The following VCL variants were observed in gnomAD, a reference collection of about 807,000 sequenced individuals.
VCL encodes the protein epididymis luminal protein 114.
A neutral mutation model predicts 125.7 loss-of-function variants in VCL; 47 were observed. That is an observed-to-expected ratio of 0.37 (90% CI 0.30 to 0.48). VCL has a LOEUF of 0.48. VCL is among the 20% of genes least tolerant of loss of function. VCL has a pLI of 0.99. For missense variants in VCL, 1,069 were observed against 1,455.5 expected, an observed-to-expected ratio of 0.73 and a Z score of 4.32; for synonymous variants, 458 against 514.6, an observed-to-expected ratio of 0.89 and a Z score of 1.49.
chr10:74,085,434 T>C (rs997960773), intron 8 of VCL, among the ~76,000 whole-genome samples: 1 of 152,212 alleles, frequency 6.6e-6, no homozygotes, highest in Non-Finnish European at 1.5e-5. Context: ...ATCCTCTAAG[T>C]TGGTAATTTC....
chr10:74,064,008 A>G (rs1321630109), intron 2 of VCL: 1 of 152,066 alleles, frequency 6.6e-6, no homozygotes, highest in African/African-American at 2.4e-5. Flanking sequence ...TAGTCCCATA[A>G]AACTATCCTC....
intron 15 of VCL, 112 bp downstream of exon 15, chr10:74,104,040 G>A: frequency 1.9e-6 from 2 of 1,049,168 alleles, no homozygotes; most frequent in Non-Finnish European, 2.9e-6. Context: ...GGCCGGTCAC[G>A]TGCTGAGCAG....
chr10:74,009,806 C>T (rs1840397145), intron 1 of VCL, among the ~76,000 whole-genome samples: 1 of 151,696 alleles, frequency 6.6e-6, no homozygotes, highest in Non-Finnish European at 1.5e-5. Context: ...GACGGGGTTT[C>T]ACCTATTGGC....
Position 74,070,795 on chromosome 10 carries a change from T to A in VCL, c.365T>A (p.Leu122Gln). ...SRGILSGTSD[L>Q]LLTFDEAEVR... ...GGCATCCTCTCTGGAACATCAGACC[T>A]GCTCCTTACCTTCGATGAGGCTGAG... Residue 122 changes from leucine to glutamine, a missense_variant, in exon 3 of 22, where the codon CTG becomes CAG. This residue lies in a region of VCL where 8 missense variants were observed against 29.1 expected (regional missense o/e 0.28). Coordinates refer to ENST00000211998, the MANE Select transcript of VCL (RefSeq NM_014000.3). 1 of 1,614,124 alleles carries A rather than the reference T, an allele frequency of 6.2e-7. No individual in the cohort carries two copies. Among genetic ancestry groups the A allele is most frequent in the African/African-American group, 1.3e-5 (1 of 75,052 alleles).
At chr10:74,104,957 A>G (rs1384583697) in intron 15 of VCL, 94 bp from the exon 16 acceptor site, 1 of 1,378,240 alleles carries the variant, frequency 7.3e-7, no homozygotes, top group East Asian at 2.4e-5. Flanking sequence ...TCTGGATGTT[A>G]TACTTTCTCA....
At chr10:73,999,625 T>G (rs1374504287) in intron 1 of VCL, among the ~76,000 whole-genome samples, 3 of 152,166 alleles carry the variant, frequency 2.0e-5, no homozygotes, top group African/African-American at 7.2e-5. Context: ...ACTTTTCTGA[T>G]TTGAGCACTT....
intron 1 of VCL, among the ~76,000 whole-genome samples, chr10:74,040,392 G>A (rs1841072178): frequency 6.6e-6 from 1 of 152,120 alleles, no homozygotes. Context: ...AACTCACCTA[G>A]TTCTCCCTCC....
At chr10:74,055,180 G>A (rs918904101) in intron 2 of VCL, among the ~76,000 whole-genome samples, 5 of 151,952 alleles carry the variant, frequency 3.3e-5, no homozygotes, top group Admixed American at 6.6e-5. Context: ...AGTGCCTGTA[G>A]TCCCAGCTAC....
chr10:74,113,407 C>T (rs34885185), intron 19 of VCL, among the ~76,000 whole-genome samples: 90,531 of 151,850 alleles, frequency 0.6, 27,505 homozygotes, highest in Middle Eastern at 0.64. Flanking sequence ...TCTCTTGCAT[C>T]CTCTTAGCTG....
chr10:74,027,840 TG>T (rs1200011268), intron 1 of VCL: 1 of 152,126 alleles, frequency 6.6e-6, no homozygotes, highest in Non-Finnish European at 1.5e-5. Context: ...TTACTTCAGT[TG>T]GCATTTAATT....
intron 1 of VCL, among the ~76,000 whole-genome samples, chr10:73,999,842 A>G (rs1475702359): frequency 1.3e-5 from 2 of 152,342 alleles, no homozygotes; most frequent in East Asian, 3.9e-4. Flanking sequence ...CTACTTGTAC[A>G]TTGTTCTTCT....
rs180731799 is a variant in VCL, at chr10:74,007,831, T to C, written c.168+9456T>C. 3.2e-3 allele frequency among the ~76,000 whole-genome samples: 486 copies of C among 151,340 alleles called. 3 individuals are homozygous for C. The highest frequency in any genetic ancestry group is 5.5e-3 in the Non-Finnish European group (374 of 67,844). On this transcript the variant is annotated intron_variant, in intron 1 of 21. Transcript: ENST00000211998. ...TTTCCTTTTTTTTTGAGATGGAGTT[T>C]CATTCTTGTTGCCCAGGCTGGAGCG...
At chr10:74,021,303 C>A (rs553194451) in intron 1 of VCL, among the ~76,000 whole-genome samples, 5 of 152,058 alleles carry the variant, frequency 3.3e-5, no homozygotes, top group Admixed American at 6.6e-5. Context: ...CTCTGACCCC[C>A]CTACCCAGCT....
rs75773784 is a variant in VCL at position 74,020,200 on chromosome 10, G to A, written c.168+21825G>A. 1.9e-4 allele frequency among the ~76,000 whole-genome samples: 29 copies of A among 152,258 alleles called. No homozygotes were observed. In the East Asian group the frequency reaches 4.8e-3, roughly 25 times the overall value. ...TCCCGAGCCAGTAATTGGTGGTGTC[G>A]GAGTGCAAATATTTTTATTATGCAA... On this transcript the variant is annotated intron_variant, in intron 1 of 21. Coordinates refer to ENST00000211998, the MANE Select transcript of VCL (RefSeq NM_014000.3).
chr10:74,002,985 G>GAT (rs146426921), intron 1 of VCL, among the ~76,000 whole-genome samples: 5,895 of 150,048 alleles, frequency 0.039, 196 homozygotes, highest in African/African-American at 0.092. Flanking sequence ...TCTGGTCACT[G>GAT]ATATATATAT....
At chr10:74,052,725 G>A (rs1841325998) in intron 2 of VCL, among the ~76,000 whole-genome samples, 1 of 150,822 alleles carries the variant, frequency 6.6e-6, no homozygotes, top group African/African-American at 2.4e-5. Flanking sequence ...TATCTAATTT[G>A]TAGTCTTCTG....
intron 20 of VCL, 116 bp downstream of exon 20, chr10:74,114,503 G>T: frequency 7.9e-7 from 1 of 1,260,736 alleles, no homozygotes; most frequent in Non-Finnish European, 1.1e-6. Flanking sequence ...AACTAGGTAA[G>T]GGAGAAAGAG....
At chr10:74,079,364 G>A (rs959671802) in intron 6 of VCL, among the ~76,000 whole-genome samples, 1 of 152,028 alleles carries the variant, frequency 6.6e-6, no homozygotes, top group East Asian at 1.9e-4. Context: ...ATAAGAAATT[G>A]GTAGAGACTT....
At chr10:74,029,560 TAGAATA>T (rs1230195139) in intron 1 of VCL, among the ~76,000 whole-genome samples, 2 of 152,202 alleles carry the variant, frequency 1.3e-5, no homozygotes, top group African/African-American at 4.8e-5. Flanking sequence ...CATATTGGGT[TAGAATA>T]AACAGCTGCT....
Sources: gnomAD v4.1 joint callset for allele counts (sites outside exome capture counted in the v4.1 genomes callset) on GRCh38, gnomAD v4.1.1 for gene constraint, gnomAD v4.1.1 regional missense constraint, MANE v1.5 for transcripts, NCBI Gene and HGNC (gene_info 2026-07-23, HGNC 2026-07-21) for gene names.